DNM3: variants seen among roughly 807,000 people sequenced by gnomAD.
The protein encoded by DNM3 is dynamin 3, also known as dynamin-3.
In DNM3, 47 loss-of-function variants were observed where a neutral mutation model predicts 101.6. The ratio of observed to expected loss-of-function variants is 0.46; its 90% CI spans 0.37 to 0.59. The LOEUF (loss-of-function observed/expected upper bound fraction) is 0.59. Ranked by LOEUF, DNM3 falls within the 20% of genes least tolerant of loss-of-function variation. The pLI, the probability that DNM3 is intolerant of heterozygous loss-of-function variation, is 0.00. For missense variants in DNM3, 849 were observed against 1,085.7 expected, an observed-to-expected ratio of 0.78 and a Z score of 3.06; for synonymous variants, 385 against 387.9, an observed-to-expected ratio of 0.99 and a Z score of 0.09.
At chr1:171,855,859 C>A (rs2033551765) in intron 1 of DNM3, among the ~76,000 whole-genome samples, 1 of 152,106 alleles carries the variant, frequency 6.6e-6, no homozygotes, top group South Asian at 2.1e-4. Context: ...TTTGCAGAAG[C>A]TCTTAAGTTT....
intron 17 of DNM3, among the ~76,000 whole-genome samples, chr1:172,354,974 ATT>A (rs2067377092): frequency 6.6e-6 from 1 of 152,168 alleles, no homozygotes. Context: ...GAGGAAAGTT[ATT>A]TGTCTCGGCT....
At chr1:172,202,736 C>A (rs1394713866) in intron 14 of DNM3, among the ~76,000 whole-genome samples, 2 of 152,024 alleles carry the variant, frequency 1.3e-5, no homozygotes, top group African/African-American at 4.8e-5. Context: ...GAACATAAGA[C>A]TATTATTTAT....
chr1:172,105,297 T>C (rs1338606747), intron 13 of DNM3, among the ~76,000 whole-genome samples: 1 of 152,220 alleles, frequency 6.6e-6, no homozygotes, highest in Non-Finnish European at 1.5e-5. Context: ...ACAGCAACCC[T>C]GTGAAACAGG....
intron 15 of DNM3, among the ~76,000 whole-genome samples, chr1:172,257,901 CA>C (rs2062476795): frequency 6.7e-6 from 1 of 150,336 alleles, no homozygotes. Context: ...CACACACACA[CA>C]CACAGACAAA....
intron 20 of DNM3, among the ~76,000 whole-genome samples, chr1:172,389,586 T>C (rs1037570768): frequency 9.2e-5 from 14 of 152,192 alleles, no homozygotes; most frequent in Non-Finnish European, 1.3e-4. Context: ...TATAAAGTAC[T>C]AAGGTTTTTT....
At chr1:172,081,075 T>C (rs1256137443) in intron 11 of DNM3, among the ~76,000 whole-genome samples, 1 of 151,928 alleles carries the variant, frequency 6.6e-6, no homozygotes, top group African/African-American at 2.4e-5. Flanking sequence ...TATTTAGCCA[T>C]CTTACCAGCC....
intron 1 of DNM3, among the ~76,000 whole-genome samples, chr1:171,856,886 A>G (rs2033665518): frequency 6.6e-6 from 1 of 152,188 alleles, no homozygotes; most frequent in Non-Finnish European, 1.5e-5. Context: ...GCAGTCTTTC[A>G]ATTTTTCTTT....
chr1:172,136,968 A>G (rs1324053106), intron 14 of DNM3: 2 of 152,186 alleles, frequency 1.3e-5, no homozygotes, highest in African/African-American at 4.8e-5. Context: ...TTTATGTTTT[A>G]AGGAAAAATA....
intron 15 of DNM3, among the ~76,000 whole-genome samples, chr1:172,260,600 C>T (rs2062604083): frequency 6.6e-6 from 1 of 151,898 alleles, no homozygotes; most frequent in Admixed American, 6.6e-5. Flanking sequence ...CTTGTTCTGT[C>T]TTACTGTTGA....
intron 14 of DNM3, among the ~76,000 whole-genome samples, chr1:172,193,436 A>G (rs1449544841): frequency 6.6e-6 from 1 of 152,018 alleles, no homozygotes; most frequent in Non-Finnish European, 1.5e-5. Context: ...GAAGGAATGG[A>G]ACCAGCTCCT....
intron 14 of DNM3, among the ~76,000 whole-genome samples, chr1:172,184,474 T>G (rs1306423167): frequency 6.6e-6 from 1 of 152,122 alleles, no homozygotes; most frequent in Non-Finnish European, 1.5e-5. Context: ...TTGAGAAATT[T>G]TATCCTCCCT....
At chr1:172,184,483 C>T (rs1376181835) in intron 14 of DNM3, among the ~76,000 whole-genome samples, 1 of 152,028 alleles carries the variant, frequency 6.6e-6, no homozygotes, top group Non-Finnish European at 1.5e-5. Flanking sequence ...TTTATCCTCC[C>T]TTCTAAACAA....
intron 2 of DNM3, among the ~76,000 whole-genome samples, chr1:171,986,663 C>G (rs2045280768): frequency 6.7e-6 from 1 of 148,872 alleles, no homozygotes; most frequent in Non-Finnish European, 1.5e-5. Context: ...TGGGGTCTCA[C>G]TTTCTTGCCC....
intron 20 of DNM3, chr1:172,389,084 G>A: frequency 2.1e-6 from 1 of 466,354 alleles, no homozygotes. Flanking sequence ...GCAGCTATTG[G>A]GAGAATTTGA....
At chr1:172,379,205 C>T (rs762683844) in intron 18 of DNM3, 23 bp downstream of exon 18, 1 of 1,571,928 alleles carries the variant, frequency 6.4e-7, no homozygotes, top group East Asian at 2.3e-5. Flanking sequence ...AAACTACCTC[C>T]ATTTAACTTC....
At chr1:172,087,686 C>A (rs2053627266) in intron 12 of DNM3, among the ~76,000 whole-genome samples, 1 of 152,146 alleles carries the variant, frequency 6.6e-6, no homozygotes, top group Non-Finnish European at 1.5e-5. Context: ...TCATCTATTT[C>A]TTTCTATCAT....
chr1:172,318,189 C>T (rs149224045), intron 16 of DNM3, among the ~76,000 whole-genome samples: 2,594 of 152,274 alleles, frequency 0.017, 65 homozygotes, highest in African/African-American at 0.057. Flanking sequence ...TTCAACAGCC[C>T]TTCAGGCTAT....
At chr1:172,067,177 G>A (rs2051750393) in intron 10 of DNM3, among the ~76,000 whole-genome samples, 1 of 152,088 alleles carries the variant, frequency 6.6e-6, no homozygotes, top group African/African-American at 2.4e-5. Flanking sequence ...CACTTGTACA[G>A]TTTGTTTTTC....
intron 14 of DNM3, among the ~76,000 whole-genome samples, chr1:172,220,800 G>A (rs1356101928): frequency 1.3e-5 from 2 of 152,242 alleles, no homozygotes; most frequent in South Asian, 2.1e-4. Context: ...AATCTGACCC[G>A]TTGAGATTCC....
Sources: allele counts gnomAD v4.1 joint callset (sites outside exome capture counted in the v4.1 genomes callset), GRCh38; gene constraint gnomAD v4.1.1; transcripts MANE v1.5; gene names NCBI Gene and HGNC (gene_info 2026-07-23, HGNC 2026-07-21).